Variants in DBX2 observed in about 807,000 individuals in gnomAD.
DBX2 encodes developing brain homeobox 2, also known as homeobox protein DBX2.
Under a neutral mutation model 17.7 loss-of-function variants are expected in DBX2, and 16 were observed. The observed-to-expected ratio is 0.90, with a 90% CI of 0.61 to 1.37. The LOEUF is 1.37. Ranked by LOEUF, DBX2 falls within the 40% of genes most tolerant of loss-of-function variation. The probability of loss-of-function intolerance (pLI) is 0.00; values close to 1 mark genes in which losing one functional copy is unlikely to be tolerated. For synonymous variants in DBX2, 255 were observed against 183.8 expected, an observed-to-expected ratio of 1.39 and a Z score of -3.13; for missense variants, 538 against 433.8, an observed-to-expected ratio of 1.24 and a Z score of -2.13.
At chr12:45,025,966 G>A (rs932699663) in intron 2 of DBX2, among the ~76,000 whole-genome samples, 2 of 151,806 alleles carry the variant, frequency 1.3e-5, no homozygotes, top group African/African-American at 4.8e-5. Flanking sequence ...GCTGGGGAAA[G>A]GCATAAAGCA....
At chr12:45,033,807 A>G (rs1051877030) in intron 2 of DBX2, among the ~76,000 whole-genome samples, 1 of 152,192 alleles carries the variant, frequency 6.6e-6, no homozygotes, top group Non-Finnish European at 1.5e-5. Flanking sequence ...TTCAGCTTCT[A>G]TATTTATTTT....
Position 45,050,583 on chromosome 12 carries a change from C to A in DBX2, c.345G>T (p.Ala115=), listed in dbSNP as rs1464151890. ...CCCCCGGAGCCCGGCCCGGCAGCCT[C>A]GCACTGTCCGCAGAGGGACTGAGCA... ...FQVLSPSADS[A]RLPGRAPGDR... The change falls in exon 1 of 4, where the codon GCG becomes GCT. Residue 115 remains alanine (A), a synonymous_variant. Transcript: ENST00000332700. 4 of 1,551,720 alleles carry A rather than the reference C, an allele frequency of 2.6e-6. No homozygotes were observed. Among genetic ancestry groups the A allele is most frequent in the African/African-American group, 1.4e-5 (1 of 73,202 alleles).
intron 3 of DBX2, among the ~76,000 whole-genome samples, chr12:45,018,081 A>C (rs1347144464): frequency 6.6e-6 from 1 of 152,196 alleles, no homozygotes; most frequent in Non-Finnish European, 1.5e-5. Context: ...CTCAGTTACA[A>C]CACCATGATT....
In DBX2 at chr12:45,016,270, G is replaced by A. The variant is rs189065791; in HGVS notation, c.*16C>T. 1.6e-5 allele frequency: 24 copies of A among 1,535,286 alleles called. No individual in the cohort carries two copies. Among genetic ancestry groups the A allele is most frequent in the Admixed American group, 8.5e-5 (4 of 46,878 alleles). On this transcript the variant is annotated 3_prime_UTR_variant, in exon 4 of 4. Coordinates refer to ENST00000332700, the MANE Select transcript of DBX2 (RefSeq NM_001004329.3). ...ATTAAGCGTTCTTTTAAATGAACACGGAGGAATGCTTCCATTCAGACAGCC... is the reference window on the plus strand; with the variant it reads ...ATTAAGCGTTCTTTTAAATGAACACAGAGGAATGCTTCCATTCAGACAGCC...
chr12:45,027,285 G>A (rs1413908747), intron 2 of DBX2, among the ~76,000 whole-genome samples: 1 of 152,158 alleles, frequency 6.6e-6, no homozygotes, highest in African/African-American at 2.4e-5. Flanking sequence ...AGAATCATAT[G>A]CCACAGATAT....
rs1946321666 is a variant in DBX2, at chr12:45,016,132, G to A, written c.*154C>T. 1 of 721,998 alleles carries A rather than the reference G, an allele frequency of 1.4e-6. No homozygotes were observed. Among genetic ancestry groups the A allele is most frequent in the African/African-American group, 1.8e-5 (1 of 55,204 alleles). 44.7% of individuals were successfully genotyped at this position (721,998 alleles called of 1,614,324 possible). On this transcript the variant is annotated 3_prime_UTR_variant, in exon 4 of 4. Coordinates refer to ENST00000332700, the MANE Select transcript of DBX2 (RefSeq NM_001004329.3). ...TAAGCCTGAGTCTAGGGCCAAACAA[G>A]AGAACACTAGAGTGGGTTTCCTAAA... is the stretch of plus-strand genomic sequence containing the variant.
rs1946321696 is a variant in DBX2 at position 45,016,137 on chromosome 12, C to T, written c.*149G>A. The T allele has an allele frequency of 1.3e-6, 1 of 765,890 alleles. No individual in the cohort carries two copies. The highest frequency in any genetic ancestry group is 1.8e-5 in the African/African-American group (1 of 56,028). The allele number at this position is 765,890 out of a possible 1,614,324, so 47.4% of individuals were successfully genotyped here. ...CTGAGTCTAGGGCCAAACAAGAGAA[C>T]ACTAGAGTGGGTTTCCTAAAGCATT... is the stretch of plus-strand genomic sequence containing the variant. On this transcript the variant is annotated 3_prime_UTR_variant, in exon 4 of 4. Transcript: ENST00000332700.
At chr12:45,021,435 C>T (rs1392232150) in intron 3 of DBX2, among the ~76,000 whole-genome samples, 1 of 152,154 alleles carries the variant, frequency 6.6e-6, no homozygotes, top group Non-Finnish European at 1.5e-5. Flanking sequence ...TCAAAAGTCT[C>T]TTTTGGGGAC....
At chr12:45,039,132 C>T (rs967099904) in intron 1 of DBX2, among the ~76,000 whole-genome samples, 1 of 148,684 alleles carries the variant, frequency 6.7e-6, no homozygotes, top group African/African-American at 2.5e-5. Context: ...ATGTGAAAAT[C>T]ACTGTAAAAT....
At chr12:45,029,458 A>G (rs1048201688) in intron 2 of DBX2, among the ~76,000 whole-genome samples, 1 of 152,268 alleles carries the variant, frequency 6.6e-6, no homozygotes, top group Non-Finnish European at 1.5e-5. Context: ...CACACATCAA[A>G]GCAGAGGGAG....
At chr12:45,032,245 A>G (rs1946414593) in intron 2 of DBX2, among the ~76,000 whole-genome samples, 1 of 152,132 alleles carries the variant, frequency 6.6e-6, no homozygotes, top group Non-Finnish European at 1.5e-5. Context: ...CACCTATTCA[A>G]CTTATTGCAC....
At chr12:45,048,542 T>C (rs1241559626) in intron 1 of DBX2, among the ~76,000 whole-genome samples, 1 of 152,086 alleles carries the variant, frequency 6.6e-6, no homozygotes, top group Non-Finnish European at 1.5e-5. Context: ...ATAAAATAAT[T>C]CCCACATTTG....
chr12:45,032,646 T>C (rs1218660914), intron 2 of DBX2, among the ~76,000 whole-genome samples: 1 of 152,208 alleles, frequency 6.6e-6, no homozygotes, highest in Non-Finnish European at 1.5e-5. Flanking sequence ...GAAGATAGCA[T>C]AATTATCTTA....
intron 3 of DBX2, among the ~76,000 whole-genome samples, chr12:45,021,711 T>C (rs1946353059): frequency 6.6e-6 from 1 of 152,158 alleles, no homozygotes; most frequent in African/African-American, 2.4e-5. Flanking sequence ...GTTCCACCAC[T>C]AGACTTTCCA....
At chr12:45,043,160 ATTT>A (rs1946481056) in intron 1 of DBX2, among the ~76,000 whole-genome samples, 1 of 152,080 alleles carries the variant, frequency 6.6e-6, no homozygotes, top group Non-Finnish European at 1.5e-5. Context: ...GGTTATCTTG[ATTT>A]CACCCTGGGA....
At chr12:45,033,064 T>G (rs1385104474) in intron 2 of DBX2, among the ~76,000 whole-genome samples, 1 of 152,182 alleles carries the variant, frequency 6.6e-6, no homozygotes, top group African/African-American at 2.4e-5. Context: ...TGTGCTTAAA[T>G]AGCCTATTAA....
chr12:45,023,697 T>A lies in DBX2; in HGVS notation c.687+10A>T. On this transcript the variant is annotated intron_variant, in intron 3 of 3. Coordinates refer to ENST00000332700, the MANE Select transcript of DBX2 (RefSeq NM_001004329.3). ...TCAGAGGCAGTAGACATCTTCCTGC[T>A]TATTAGTACCTGTGATTCCTTTAGT... 1 of 1,614,088 alleles carries A rather than the reference T, an allele frequency of 6.2e-7. No individual in the cohort carries two copies. Among genetic ancestry groups the A allele is most frequent in the South Asian group, 1.1e-5 (1 of 91,062 alleles).
intron 2 of DBX2, among the ~76,000 whole-genome samples, chr12:45,024,965 G>C (rs758407928): frequency 6.6e-6 from 1 of 152,166 alleles, no homozygotes; most frequent in African/African-American, 2.4e-5. Flanking sequence ...GCACAATACT[G>C]GTTCCCATGC....
At chr12:45,041,419 T>C (rs1418683246) in intron 1 of DBX2, among the ~76,000 whole-genome samples, 3 of 152,108 alleles carry the variant, frequency 2.0e-5, no homozygotes, top group Non-Finnish European at 2.9e-5. Context: ...AACATCTATC[T>C]TGAATAGTTA....
Sources: allele counts gnomAD v4.1 joint callset (sites outside exome capture counted in the v4.1 genomes callset), GRCh38; gene constraint gnomAD v4.1.1; transcripts MANE v1.5; gene names NCBI Gene and HGNC (gene_info 2026-07-23, HGNC 2026-07-21).